ARFGAP3: variants seen among roughly 807,000 people sequenced by gnomAD.
The protein encoded by ARFGAP3 is ADP-ribosylation factor GTPase-activating protein 3.
Under a neutral mutation model 75.0 loss-of-function variants are expected in ARFGAP3, and 72 were observed. That is an observed-to-expected ratio of 0.96 (90% confidence interval 0.79 to 1.17). The LOEUF is 1.17. Among genes scored for constraint, ARFGAP3 ranks in the 50% most tolerant of loss-of-function variants. ARFGAP3 has a pLI of 0.00. For missense variants in ARFGAP3, 620 were observed against 626.6 expected (o/e 0.99, Z 0.11); for synonymous variants, 221 against 217.9 (o/e 1.01, Z -0.13).
chr22:42,833,699 T>C (rs556938229), intron 5 of ARFGAP3, among the ~76,000 whole-genome samples: 11 of 152,270 alleles, frequency 7.2e-5, no homozygotes, highest in African/African-American at 1.9e-4. Flanking sequence ...GAGATTGCAG[T>C]GAGCCAAGAT....
intron 9 of ARFGAP3, 50 bp from the exon 10 acceptor site, chr22:42,817,907 T>C (rs776486960): frequency 2.3e-5 from 33 of 1,407,976 alleles, no homozygotes; most frequent in Non-Finnish European, 3.1e-5. Context: ...CCTTTGTTCT[T>C]ATATTAAAAT....
intron 9 of ARFGAP3, among the ~76,000 whole-genome samples, chr22:42,821,114 A>T (rs1602105723): frequency 2.0e-5 from 3 of 152,232 alleles, no homozygotes; most frequent in Admixed American, 2.0e-4. Flanking sequence ...TCCCTCTCCA[A>T]GATCCAGGCT....
intron 15 of ARFGAP3, 109 bp from the exon 16 acceptor site, chr22:42,797,714 C>T (rs1193033897): frequency 6.2e-7 from 1 of 1,609,588 alleles, no homozygotes; most frequent in South Asian, 1.1e-5. Context: ...CCATGTCAGG[C>T]ATGTGACATG....
At chr22:42,835,226 A>C in intron 4 of ARFGAP3, 136 bp downstream of exon 4, 2 of 959,620 alleles carry the variant, frequency 2.1e-6, no homozygotes, top group South Asian at 1.7e-5. Context: ...AACTACTTCA[A>C]TAGTAAGAAT....
At chr22:42,819,223 C>T (rs1925709183) in intron 9 of ARFGAP3, among the ~76,000 whole-genome samples, 1 of 152,184 alleles carries the variant, frequency 6.6e-6, no homozygotes, top group African/African-American at 2.4e-5. Flanking sequence ...CTTACTCTTC[C>T]TACAGAACAG....
chr22:42,825,658 C>A (rs1450338791), intron 7 of ARFGAP3, among the ~76,000 whole-genome samples: 1 of 147,952 alleles, frequency 6.8e-6, no homozygotes, highest in African/African-American at 2.5e-5. Context: ...GTACTCCAGC[C>A]TGGGTGACAG....
chr22:42,798,224 A>G (rs1233043829), intron 15 of ARFGAP3, among the ~76,000 whole-genome samples: 1 of 151,692 alleles, frequency 6.6e-6, no homozygotes, highest in African/African-American at 2.4e-5. Flanking sequence ...TCACAGCATG[A>G]AAACGGCTAC....
intron 4 of ARFGAP3, among the ~76,000 whole-genome samples, 179 bp downstream of exon 4, chr22:42,835,183 T>C (rs1237743575): frequency 1.3e-5 from 2 of 152,234 alleles, no homozygotes; most frequent in Non-Finnish European, 2.9e-5. Flanking sequence ...TAGTATTCAC[T>C]AATCCAGTAC....
intron 14 of ARFGAP3, among the ~76,000 whole-genome samples, chr22:42,806,333 G>C (rs2413725): frequency 0.43 from 65,195 of 151,722 alleles, 14,475 homozygotes; most frequent in Non-Finnish European, 0.48. Flanking sequence ...TCAGGGGGAG[G>C]GGAAGTCGAA....
chr22:42,824,800 C>T (rs1925968877), intron 7 of ARFGAP3, among the ~76,000 whole-genome samples: 1 of 152,176 alleles, frequency 6.6e-6, no homozygotes, highest in Non-Finnish European at 1.5e-5. Context: ...AGACAGTGAG[C>T]ACAGTATCCA....
chr22:42,806,980 A>G (rs775619482), intron 14 of ARFGAP3, 93 bp downstream of exon 14: 8 of 1,276,206 alleles, frequency 6.3e-6, no homozygotes, highest in Non-Finnish European at 8.4e-6. Context: ...AATGGTTGCT[A>G]AAATATCTTG....
At chr22:42,851,297 G>C (rs1927267270) in intron 1 of ARFGAP3, among the ~76,000 whole-genome samples, 1 of 152,224 alleles carries the variant, frequency 6.6e-6, no homozygotes, top group Admixed American at 6.5e-5. Flanking sequence ...GAGATTTTGG[G>C]TACACAGCCC....
intron 11 of ARFGAP3, among the ~76,000 whole-genome samples, chr22:42,814,250 G>A (rs762595042): frequency 6.6e-6 from 1 of 152,172 alleles, no homozygotes; most frequent in Non-Finnish European, 1.5e-5. Context: ...TGAATAATTT[G>A]AAAGCAATAA....
At chr22:42,814,658 C>T (rs1925502061) in intron 11 of ARFGAP3, among the ~76,000 whole-genome samples, 1 of 152,218 alleles carries the variant, frequency 6.6e-6, no homozygotes, top group Non-Finnish European at 1.5e-5. Flanking sequence ...CAGTGAGGGT[C>T]TCTGAAGTTC....
At position 42,847,596 on chromosome 22, in the gene ARFGAP3, C is replaced by T; in HGVS notation, c.106G>A (p.Ala36Thr). ...AGGAACACTCCATAGGTTATGCTTG[C>T]CCAGCTGGGATTTTTGGCACCACAA... ...FDCGAKNPSW[A>T]SITYGVFLCI... Residue 36 changes from alanine to threonine, a missense_variant, in exon 2 of 16, where the codon GCA (alanine) becomes ACA (threonine). Coordinates refer to ENST00000263245, the MANE Select transcript of ARFGAP3 (RefSeq NM_014570.5). The T allele has an allele frequency of 1.2e-6, 2 of 1,613,002 alleles. No individual in the cohort carries two copies. Among genetic ancestry groups the T allele is most frequent in the Non-Finnish European group, 1.7e-6 (2 of 1,179,542 alleles).
intron 13 of ARFGAP3, 63 bp downstream of exon 13, chr22:42,808,704 T>C (rs2146531975): frequency 7.2e-7 from 1 of 1,385,752 alleles, no homozygotes; most frequent in South Asian, 1.3e-5. Context: ...TCCCCGACAA[T>C]GCCCACACCC....
At chr22:42,846,259 A>G (rs1376961472) in intron 2 of ARFGAP3, among the ~76,000 whole-genome samples, 1 of 152,238 alleles carries the variant, frequency 6.6e-6, no homozygotes, top group East Asian at 1.9e-4. Context: ...GGAGGCAGCA[A>G]TGACTAAGCC....
At chr22:42,801,491 T>C (rs1487143797) in intron 14 of ARFGAP3, among the ~76,000 whole-genome samples, 1 of 152,208 alleles carries the variant, frequency 6.6e-6, no homozygotes, top group East Asian at 1.9e-4. Context: ...TGGGGCCACC[T>C]CTTAATTCCA....
At chr22:42,846,479 G>A (rs1927024461) in intron 2 of ARFGAP3, among the ~76,000 whole-genome samples, 1 of 152,188 alleles carries the variant, frequency 6.6e-6, no homozygotes, top group Non-Finnish European at 1.5e-5. Flanking sequence ...GTCTTCTTCT[G>A]ATGCAAAAGG....
Sources: allele counts gnomAD v4.1 joint callset (sites outside exome capture counted in the v4.1 genomes callset), GRCh38; gene constraint gnomAD v4.1.1; transcripts MANE v1.5; gene names NCBI Gene and HGNC (gene_info 2026-07-23, HGNC 2026-07-21).